The following MYO18B variants were observed in gnomAD, a reference collection of about 807,000 sequenced individuals.
MYO18B encodes the protein unconventional myosin-XVIIIb.
In MYO18B, 204 loss-of-function variants were observed where a neutral mutation model predicts 273.0. The observed-to-expected ratio is 0.75, with a 90% confidence interval of 0.67 to 0.84. The LOEUF is 0.84. MYO18B is among the 40% of genes least tolerant of loss of function. The probability of loss-of-function intolerance (pLI) is 0.00; values close to 1 mark genes in which losing one functional copy is unlikely to be tolerated. For synonymous variants in MYO18B, 1,330 were observed against 1,305.7 expected, an observed-to-expected ratio of 1.02 and a Z score of -0.40; for missense variants, 3,212 against 3,287.6, an observed-to-expected ratio of 0.98 and a Z score of 0.56.
At chr22:25,866,768 G>A (rs1569128593) in intron 21 of MYO18B, among the ~76,000 whole-genome samples, 3 of 122,240 alleles carry the variant, frequency 2.5e-5, no homozygotes, top group Non-Finnish European at 3.2e-5. Context: ...CCTGGTGACA[G>A]AGCGAGACTC....
Position 25,761,101 on chromosome 22 carries a change from C to G in MYO18B, c.9C>G (p.Ile3Met), listed in dbSNP as rs61734946. The G allele has an allele frequency of 0.17, 276,917 of 1,612,852 alleles. 26,232 individuals are homozygous for G. Among genetic ancestry groups the G allele is most frequent in the Middle Eastern group, 0.21 (1,274 of 6,062 alleles). Residue 3 changes from isoleucine to methionine, a missense_variant, in exon 2 of 44, where the codon ATC (isoleucine) becomes ATG (methionine). Transcript: ENST00000335473. The part of the protein sequence containing the change: MA[I>M]SSRLALWEQK... ...CCTGGCACTGCCTCAGCATGGCCAT[C>G]TCATCACGCCTCGCCCTGTGGGAGC...
At chr22:25,784,347 G>T (rs371623747) in intron 10 of MYO18B, among the ~76,000 whole-genome samples, 10 of 152,248 alleles carry the variant, frequency 6.6e-5, no homozygotes, top group African/African-American at 2.4e-4. Flanking sequence ...CTCCATGCCA[G>T]CCTGGCAGTG....
chr22:25,794,629 CG>C (rs2087827117), intron 11 of MYO18B, among the ~76,000 whole-genome samples: 2 of 151,986 alleles, frequency 1.3e-5, no homozygotes, highest in East Asian at 1.9e-4. Context: ...CTCAGCCTCC[CG>C]AGTAGCTGGG....
chr22:25,819,896 A>G (rs965146094), intron 12 of MYO18B, among the ~76,000 whole-genome samples: 6 of 151,072 alleles, frequency 4.0e-5, no homozygotes, highest in African/African-American at 1.5e-4. Flanking sequence ...TGAAGATTTA[A>G]TAATAACAAT....
chr22:25,763,359 G>A lies in MYO18B; in HGVS notation c.168G>A (p.Lys56=), dbSNP rs1309385866. Residue 56 remains lysine, a synonymous_variant, in exon 3 of 44, where the codon AAG becomes AAA. Transcript: ENST00000335473. ...AGGCCAAGGAAGCGAGACAGAGGAA[G>A]CAGTTAGCTGTCGCCTCTCCAGAAC... The part of the protein sequence containing the change: ...EKEAKEARQR[K]QLAVASPERE... The A allele has an allele frequency of 1.2e-6, 2 of 1,612,160 alleles. No homozygotes were observed. Among genetic ancestry groups the A allele is most frequent in the East Asian group, 4.5e-5 (2 of 44,864 alleles).
chr22:25,839,935 G>A (rs376466239), intron 17 of MYO18B, among the ~76,000 whole-genome samples: 15 of 152,240 alleles, frequency 9.9e-5, no homozygotes, highest in African/African-American at 3.4e-4. Context: ...CGAGGATGGA[G>A]GTGCTGTTTG....
At chr22:26,031,898 T>C (rs73404486), downstream of MYO18B, among the ~76,000 whole-genome samples, 42 of 152,302 alleles carry the variant, frequency 2.8e-4, no homozygotes, top group African/African-American at 9.9e-4. Flanking sequence ...CCTCTTGCCA[T>C]TCACAGGAGG....
rs180756719 is a variant in MYO18B at position 25,938,803 on chromosome 22, G to A, written c.5518-7334G>A. Among the ~76,000 whole-genome samples, 308 of 152,284 alleles carry A rather than the reference G, an allele frequency of 2.0e-3. 2 individuals carry two copies. Among genetic ancestry groups the A allele is most frequent in the Non-Finnish European group, 3.4e-3 (228 of 68,016 alleles). ...TTGATCCAACTTTTTTGGTAGATTA[G>A]CATCAATTAACACTATGGAAGTGTT... is the stretch of plus-strand genomic sequence containing the variant. On this transcript the variant is annotated intron_variant, in intron 34 of 43. Coordinates refer to ENST00000335473, the MANE Select transcript of MYO18B (RefSeq NM_032608.7).
intron 22 of MYO18B, among the ~76,000 whole-genome samples, chr22:25,871,243 CT>C (rs1255450214): frequency 6.6e-6 from 1 of 152,186 alleles, no homozygotes; most frequent in African/African-American, 2.4e-5. Flanking sequence ...ACTGGTTTAA[CT>C]TCCCTGAGCC....
intron 38 of MYO18B, 49 bp downstream of exon 38, chr22:25,952,472 T>A: frequency 6.2e-7 from 1 of 1,604,578 alleles, no homozygotes; most frequent in Non-Finnish European, 8.5e-7. Flanking sequence ...AGGGAGAGCT[T>A]TTGTGTAAGC....
chr22:25,860,478 A>G (rs2090698478), intron 21 of MYO18B, among the ~76,000 whole-genome samples: 2 of 152,184 alleles, frequency 1.3e-5, no homozygotes, highest in African/African-American at 2.4e-5. Flanking sequence ...TCCAATATAC[A>G]TGGTTAAAGC....
intron 1 of MYO18B, among the ~76,000 whole-genome samples, chr22:25,753,236 T>C (rs58620743): frequency 0.034 from 5,098 of 150,358 alleles, 225 homozygotes; most frequent in African/African-American, 0.1. Flanking sequence ...CAGGGGCGGG[T>C]GTGGGGGGGG....
intron 13 of MYO18B, 65 bp downstream of exon 13, chr22:25,823,743 C>A: frequency 1.3e-6 from 2 of 1,534,530 alleles, no homozygotes; most frequent in African/African-American, 1.4e-5. Context: ...GGGGATACAC[C>A]AGCATTCTTT....
At chr22:25,830,579 T>A (rs2089670163) in intron 15 of MYO18B, among the ~76,000 whole-genome samples, 1 of 152,174 alleles carries the variant, frequency 6.6e-6, no homozygotes, top group South Asian at 2.1e-4. Context: ...CTTGTCCCTG[T>A]TCCACAAATG....
At chr22:25,830,711 C>T (rs1288304493) in intron 15 of MYO18B, among the ~76,000 whole-genome samples, 7 of 152,200 alleles carry the variant, frequency 4.6e-5, no homozygotes. Context: ...AGAATCACTT[C>T]CACTGTGTTC....
chr22:25,980,039 G>A (rs1248667791), intron 39 of MYO18B, among the ~76,000 whole-genome samples: 1 of 152,190 alleles, frequency 6.6e-6, no homozygotes, highest in African/African-American at 2.4e-5. Flanking sequence ...AATGGAGAGA[G>A]GGGTGCACTT....
chr22:25,860,166 G>A (rs891941091), intron 21 of MYO18B, among the ~76,000 whole-genome samples: 6 of 152,112 alleles, frequency 3.9e-5, no homozygotes, highest in African/African-American at 9.7e-5. Context: ...GTTTATTTTC[G>A]TAATCTAAAT....
intron 43 of MYO18B, among the ~76,000 whole-genome samples, chr22:26,030,236 G>A (rs1195991045): frequency 6.6e-6 from 1 of 152,194 alleles, no homozygotes; most frequent in East Asian, 1.9e-4. Flanking sequence ...AATTAGCTGG[G>A]TGTAGTGACA....
At chr22:26,035,386 G>T (rs750193293), downstream of MYO18B, among the ~76,000 whole-genome samples, 1 of 152,160 alleles carries the variant, frequency 6.6e-6, no homozygotes, top group Non-Finnish European at 1.5e-5. Context: ...GCACTCACCT[G>T]TCTGGATGCA....
Sources: gnomAD v4.1 joint callset for allele counts (sites outside exome capture counted in the v4.1 genomes callset) on GRCh38, gnomAD v4.1.1 for gene constraint, MANE v1.5 for transcripts, NCBI Gene and HGNC (gene_info 2026-07-23, HGNC 2026-07-21) for gene names.